Variants in NPAS2 observed in about 807,000 individuals in gnomAD.
NPAS2 encodes neuronal PAS domain protein 2.
A neutral mutation model predicts 107.5 loss-of-function variants in NPAS2; 23 were observed. That is an observed-to-expected ratio of 0.21 (90% CI 0.15 to 0.30). The LOEUF is 0.30. Ranked by LOEUF, NPAS2 falls within the 10% of genes least tolerant of loss-of-function variation. The pLI is 1.00. For missense variants in NPAS2, 756 were observed against 1,043.3 expected (o/e 0.72, Z 3.79); for synonymous variants, 403 against 417.5 (o/e 0.97, Z 0.42).
chr2:100,937,604 A>G, intron 4 of NPAS2, 149 bp from the exon 5 acceptor site: 1 of 668,618 alleles, frequency 1.5e-6, no homozygotes, highest in Non-Finnish European at 2.7e-6. Flanking sequence ...CCTCCGTGGA[A>G]GGCCAAGAAG....
At chr2:100,943,041 C>T (rs1321564476) in intron 5 of NPAS2, among the ~76,000 whole-genome samples, 2 of 152,276 alleles carry the variant, frequency 1.3e-5, no homozygotes, top group East Asian at 1.9e-4. Context: ...TCCTGATGAA[C>T]GTTTGCAAGC....
intron 2 of NPAS2, among the ~76,000 whole-genome samples, chr2:100,910,635 T>C (rs1160793222): frequency 1.3e-5 from 2 of 151,930 alleles, no homozygotes; most frequent in Non-Finnish European, 2.9e-5. Flanking sequence ...TTCAAGTGAT[T>C]CTCCTCCCAC....
chr2:100,850,756 C>T (rs138009974), intron 1 of NPAS2, among the ~76,000 whole-genome samples: 1,724 of 151,856 alleles, frequency 0.011, 28 homozygotes, highest in African/African-American at 0.039. Flanking sequence ...CATTCGAGGC[C>T]AGCCTGGCCA....
intron 1 of NPAS2, among the ~76,000 whole-genome samples, chr2:100,886,409 T>C (rs1680703755): frequency 6.6e-6 from 1 of 152,244 alleles, no homozygotes; most frequent in South Asian, 2.1e-4. Context: ...GGAATTTAAA[T>C]ATGAAGATAG....
intron 3 of NPAS2, among the ~76,000 whole-genome samples, chr2:100,929,868 A>G (rs1429743471): frequency 6.6e-6 from 1 of 152,210 alleles, no homozygotes. Context: ...TAAGTAAGGA[A>G]AGATGATTAG....
intron 7 of NPAS2, among the ~76,000 whole-genome samples, chr2:100,960,300 C>T (rs973754087): frequency 4.6e-5 from 7 of 152,030 alleles, no homozygotes; most frequent in South Asian, 2.1e-4. Context: ...CGGTGGCTCA[C>T]GCCTGTAATC....
At chr2:100,921,595 G>A (rs1013788273) in intron 2 of NPAS2, among the ~76,000 whole-genome samples, 3 of 152,050 alleles carry the variant, frequency 2.0e-5, no homozygotes, top group African/African-American at 7.3e-5. Flanking sequence ...CAGCCCAACT[G>A]GAAAATAGGC....
chr2:100,949,156 A>G (rs1002032426), intron 6 of NPAS2, among the ~76,000 whole-genome samples: 2 of 152,380 alleles, frequency 1.3e-5, no homozygotes, highest in East Asian at 1.9e-4. Context: ...AATTGGGTCC[A>G]TGTATGGAAT....
At chr2:100,877,604 T>C (rs1008972221) in intron 1 of NPAS2, among the ~76,000 whole-genome samples, 15 of 152,022 alleles carry the variant, frequency 9.9e-5, no homozygotes, top group African/African-American at 3.6e-4. Context: ...GCCCCAAGGG[T>C]TTTCACGGGG....
intron 1 of NPAS2, among the ~76,000 whole-genome samples, chr2:100,900,181 T>C (rs1167285502): frequency 2.0e-5 from 3 of 152,146 alleles, no homozygotes; most frequent in Non-Finnish European, 2.9e-5. Context: ...TGGGAGAAAA[T>C]GTTCACCATT....
At chr2:100,872,702 G>C (rs924914678) in intron 1 of NPAS2, among the ~76,000 whole-genome samples, 3 of 152,104 alleles carry the variant, frequency 2.0e-5, no homozygotes, top group African/African-American at 7.2e-5. Context: ...TCAGCATGGT[G>C]GATCTTTGGT....
At chr2:100,947,985 G>A (rs1371600096) in intron 5 of NPAS2, among the ~76,000 whole-genome samples, 1 of 152,206 alleles carries the variant, frequency 6.6e-6, no homozygotes, top group Non-Finnish European at 1.5e-5. Flanking sequence ...TCCTACATTT[G>A]TCTGACTTCA....
rs181222392 is a variant in NPAS2, at chr2:100,871,831, C to T, written c.-22-32902C>T. ...GCTGAAAGACATTGTAGTAGCTTGC[C>T]CTTGGAAACCCTTACTTAATTTAGT... On this transcript the variant is annotated intron_variant, in intron 1 of 20. Transcript: ENST00000335681. 6.0e-4 allele frequency among the ~76,000 whole-genome samples: 91 copies of T among 152,162 alleles called. 1 individual carries two copies. Among genetic ancestry groups the T allele is most frequent in the African/African-American group, 2.1e-3 (86 of 41,514 alleles).
chr2:100,955,067 G>A (rs1675488764), intron 7 of NPAS2, among the ~76,000 whole-genome samples: 1 of 152,110 alleles, frequency 6.6e-6, no homozygotes, highest in South Asian at 2.1e-4. Flanking sequence ...TAGTAGAGAT[G>A]GGGTTTCGTC....
upstream of NPAS2, among the ~76,000 whole-genome samples, chr2:100,819,611 G>T (rs992811192): frequency 2.6e-5 from 4 of 152,230 alleles, no homozygotes; most frequent in African/African-American, 9.6e-5. The surrounding 1 kb of genome is among the most constrained non-coding windows in gnomAD (Gnocchi z 5.8). Flanking sequence ...TGACAGTCGC[G>T]TGCTCGTCCC....
At position 100,907,522 on chromosome 2, in the gene NPAS2, A is replaced by ACACACACC. The variant is rs765224232; in HGVS notation, c.32+2737_32+2738insACACACCC. 4.0e-5 allele frequency among the ~76,000 whole-genome samples: 6 copies of ACACACACC among 149,672 alleles called. No homozygotes were observed. In the East Asian group the frequency reaches 5.8e-4, roughly 15 times the overall value. ...CACACACACACACACACACACACAC[A>ACACACACC]CCCCTAAGATCGTATTCTTTTCAAA... On this transcript the variant is annotated intron_variant, in intron 2 of 20. Coordinates refer to ENST00000335681, the MANE Select transcript of NPAS2 (RefSeq NM_002518.4).
rs893346475 is a variant in NPAS2 at position 100,978,638 on chromosome 2, G to A, written c.1482+839G>A. Among the ~76,000 whole-genome samples the A allele has an allele frequency of 5.9e-5, 9 of 152,358 alleles. No individual in the cohort carries two copies. The South Asian group carries it at 1.0e-3, about 18-fold the overall frequency. On this transcript the variant is annotated intron_variant, in intron 15 of 20. Coordinates refer to ENST00000335681, the MANE Select transcript of NPAS2 (RefSeq NM_002518.4). The stretch of plus-strand genomic sequence containing the variant: ...TTACTATTTGGGTCAGTCAGTGAGC[G>A]AGGTGTTAGGGATGTAAAGATGTAA...
chr2:100,875,444 T>C (rs1315470316), intron 1 of NPAS2, among the ~76,000 whole-genome samples: 1 of 146,468 alleles, frequency 6.8e-6, no homozygotes, highest in Non-Finnish European at 1.5e-5. Context: ...AAATAAAATT[T>C]TTAAAAATTA....
intron 1 of NPAS2, among the ~76,000 whole-genome samples, chr2:100,895,562 C>A (rs1681358540): frequency 6.6e-6 from 1 of 152,210 alleles, no homozygotes; most frequent in Admixed American, 6.5e-5. Context: ...GCTCTGCCTG[C>A]CAGCAGCAGG....
Sources: gnomAD v4.1 joint callset for allele counts (sites outside exome capture counted in the v4.1 genomes callset) on GRCh38, gnomAD v4.1.1 for gene constraint, Gnocchi (gnomAD v3.1) non-coding constraint, MANE v1.5 for transcripts, NCBI Gene and HGNC (gene_info 2026-07-23, HGNC 2026-07-21) for gene names.